Variants in COG7 observed in about 807,000 individuals in gnomAD.
COG7 encodes the protein component of oligomeric golgi complex 7.
In COG7, 49 loss-of-function variants were observed where a neutral mutation model predicts 91.5. The ratio of observed to expected loss-of-function variants is 0.54; its 90% CI spans 0.43 to 0.68. COG7 has a LOEUF of 0.68. Among genes scored for constraint, COG7 ranks in the 30% least tolerant of loss-of-function variants. The probability of loss-of-function intolerance (pLI) is 0.00; values close to 1 mark genes in which losing one functional copy is unlikely to be tolerated. For synonymous variants in COG7, 365 were observed against 388.7 expected (o/e 0.94, Z 0.72); for missense variants, 895 against 961.3 (o/e 0.93, Z 0.91).
chr16:23,393,284 C>G lies in COG7; in HGVS notation c.1951G>C (p.Ala651Pro). 2 of 1,614,174 alleles carry G rather than the reference C, an allele frequency of 1.2e-6. No homozygotes were observed. Among genetic ancestry groups the G allele is most frequent in the Non-Finnish European group, 1.7e-6 (2 of 1,180,046 alleles). The change falls in exon 15 of 17, where the codon GCC becomes CCC. Residue 651 changes from alanine to proline, a missense_variant. Transcript: ENST00000307149. ...LEPFVTQEDS[A>P]LELALHAGKL... Reference sequence around the variant, plus strand: ...CCAGCGTGCAATGCCAACTCTAAGGCAGAGTCCTCCTGAGTCACAAATGGC... The same window carrying G: ...CCAGCGTGCAATGCCAACTCTAAGGGAGAGTCCTCCTGAGTCACAAATGGC...
Position 23,407,827 on chromosome 16 carries a change from T to C in COG7, c.1476-1565A>G, listed in dbSNP as rs146968356. Among the ~76,000 whole-genome samples, 284 of 152,004 alleles carry C rather than the reference T, an allele frequency of 1.9e-3. No homozygotes were observed. The East Asian group carries it at 0.019, about 10-fold the overall frequency. ...ACAGTCAGGTTCTGGAAATCTAGCA[T>C]AAATTTACAAGTTCCCATGGCTGAG... On this transcript the variant is annotated intron_variant, in intron 11 of 16. Transcript: ENST00000307149.
Position 23,393,897 on chromosome 16 carries a change from CG to C in COG7, c.1888-551del. On this transcript the variant is annotated intron_variant, in intron 14 of 16. Coordinates refer to ENST00000307149, the MANE Select transcript of COG7 (RefSeq NM_153603.4). ...TCCTACTAAAAGTACAAAAATTAGC[CG>C]GGGATGGTGGCAGGCACCTGTAATC... is the stretch of plus-strand genomic sequence containing the variant. Among the ~76,000 whole-genome samples the C allele has an allele frequency of 3.3e-5, 5 of 151,994 alleles. 1 individual carries two copies. The highest frequency in any genetic ancestry group is 3.3e-4 in the Admixed American group (5 of 15,254).
Position 23,447,239 on chromosome 16 carries a change from T to G in COG7, c.170-1278A>C, listed in dbSNP as rs1483793596. 2 of 151,802 alleles carry G rather than the reference T, an allele frequency of 1.3e-5. 1 individual carries two copies. The highest frequency in any genetic ancestry group is 1.3e-4 in the Admixed American group (2 of 15,220). 9.4% of individuals were successfully genotyped at this position (151,802 alleles called of 1,614,324 possible). On this transcript the variant is annotated intron_variant, in intron 1 of 16. Transcript: ENST00000307149. ...TATTTATTTATTTATTGAGACAGAG[T>G]CTCCCTCTGTCACCCAGACTGGAGT...
intron 1 of COG7, among the ~76,000 whole-genome samples, chr16:23,447,876 G>A (rs1964206764): frequency 6.6e-6 from 1 of 151,840 alleles, no homozygotes; most frequent in Non-Finnish European, 1.5e-5. Flanking sequence ...CTCCAGCCTG[G>A]CAACAGAGTG....
At chr16:23,445,726 G>T in intron 2 of COG7, 87 bp downstream of exon 2, 2 of 1,339,488 alleles carry the variant, frequency 1.5e-6, no homozygotes, top group Non-Finnish European at 2.1e-6. Flanking sequence ...CCAAAACACC[G>T]TGCTGTTCTA....
chr16:23,400,952 AGAGT>A (rs1253806963), intron 13 of COG7, among the ~76,000 whole-genome samples: 3 of 145,666 alleles, frequency 2.1e-5, no homozygotes, highest in African/African-American at 7.4e-5. Context: ...CCTGGGCAAC[AGAGT>A]GAGACTTTGT....
chr16:23,408,135 C>T (rs1324934348), intron 11 of COG7, among the ~76,000 whole-genome samples: 1 of 21,328 alleles, frequency 4.7e-5, no homozygotes, highest in South Asian at 1.7e-3. Flanking sequence ...GCGAGTGGGG[C>T]GGGAGGCAGG....
At chr16:23,396,717 T>C (rs992214278) in intron 14 of COG7, among the ~76,000 whole-genome samples, 1 of 151,914 alleles carries the variant, frequency 6.6e-6, no homozygotes, top group African/African-American at 2.4e-5. Flanking sequence ...ATTATTCCCA[T>C]GGGTTGTAAA....
At chr16:23,449,713 C>T (rs1417618811) in intron 1 of COG7, among the ~76,000 whole-genome samples, 2 of 149,158 alleles carry the variant, frequency 1.3e-5, no homozygotes, top group African/African-American at 2.5e-5. Context: ...TGCACTCCAT[C>T]GCACTCCATC....
At chr16:23,420,649 G>C (rs1269125120) in intron 7 of COG7, among the ~76,000 whole-genome samples, 1 of 152,112 alleles carries the variant, frequency 6.6e-6, no homozygotes. Context: ...ATTTTACAAG[G>C]TTTTGTAGAG....
chr16:23,391,905 A>T (rs1366010833), intron 16 of COG7: 1 of 760,458 alleles, frequency 1.3e-6, no homozygotes, highest in African/African-American at 1.8e-5. Flanking sequence ...TGGCCTTGTT[A>T]TGGAACTGCC....
In COG7 at chr16:23,424,963, GGT is replaced by G; in HGVS notation, c.811-18_811-17del. 10 of 1,535,962 alleles carry G rather than the reference GGT, an allele frequency of 6.5e-6. No homozygotes were observed. The highest frequency in any genetic ancestry group is 8.9e-6 in the Non-Finnish European group (10 of 1,118,820). On this transcript the variant is annotated splice_polypyrimidine_tract_variant and intron_variant, in intron 6 of 16. Transcript: ENST00000307149. The stretch of plus-strand genomic sequence containing the variant: ...TCTGGAAAACCTGCAGTGAGAGAGA[GGT>G]GTACCTGCCTTAGCACATGGAGCCA...
Position 23,424,771 on chromosome 16 carries a change from C to T in COG7, c.987G>A (p.Glu329=), listed in dbSNP as rs1567340010. 6.2e-7 allele frequency: 1 copy of T among 1,614,266 alleles called. No individual in the cohort carries two copies. The highest frequency in any genetic ancestry group is 8.5e-7 in the Non-Finnish European group (1 of 1,180,048). The change falls in exon 7 of 17, where the codon GAG becomes GAA. Residue 329 remains glutamate, a synonymous_variant. Transcript: ENST00000307149. ...DATAHFAKGL[E]MALLPHLHEH... ...TACGTAGGTGGGGGAGCAGTGCCAT[C>T]TCCAAGCCCTTGGCGAAGTGGGCGG...
intron 4 of COG7, 56 bp downstream of exon 4, chr16:23,442,421 A>T: frequency 1.3e-6 from 2 of 1,501,592 alleles, no homozygotes; most frequent in Non-Finnish European, 1.9e-6. Context: ...GAAGACTTAC[A>T]AGGCCTTATC....
intron 6 of COG7, among the ~76,000 whole-genome samples, chr16:23,432,809 A>C (rs558145418): frequency 2.0e-5 from 3 of 152,184 alleles, no homozygotes; most frequent in Non-Finnish European, 2.9e-5. Context: ...CATGAGAACA[A>C]GGGAGACTCA....
rs199904223 is a variant in COG7, at chr16:23,393,345, G to A, written c.1890C>T (p.Ile630=). Residue 630 remains isoleucine, a splice_region_variant and synonymous_variant, in exon 15 of 17, where the codon ATC becomes ATT. Transcript: ENST00000307149. ...SLTPLEYISN[I]GQYIMSLPLN... ...GGGGGAGGGACATGATGTACTGCCC[G>A]ATCTGAAACAAAAGAAAGCGCTGTT... The A allele has an allele frequency of 1.4e-5, 22 of 1,609,250 alleles. No individual in the cohort carries two copies. Among genetic ancestry groups the A allele is most frequent in the African/African-American group, 4.0e-5 (3 of 74,776 alleles).
intron 11 of COG7, among the ~76,000 whole-genome samples, chr16:23,409,970 C>A (rs1406178573): frequency 6.6e-6 from 1 of 152,188 alleles, no homozygotes; most frequent in Non-Finnish European, 1.5e-5. Context: ...TTAGTCCCAA[C>A]AACTAATTTA....
chr16:23,405,745 G>A (rs1312661673), intron 12 of COG7, among the ~76,000 whole-genome samples: 1 of 151,932 alleles, frequency 6.6e-6, no homozygotes, highest in East Asian at 1.9e-4. Context: ...TTAAACTCCT[G>A]ACCTCAGGGG....
intron 4 of COG7, among the ~76,000 whole-genome samples, chr16:23,438,827 G>A (rs1343373599): frequency 6.6e-6 from 1 of 151,976 alleles, no homozygotes; most frequent in Non-Finnish European, 1.5e-5. Flanking sequence ...AGCCACTATG[G>A]AGAACAGTAT....
Sources: allele counts gnomAD v4.1 joint callset (sites outside exome capture counted in the v4.1 genomes callset), GRCh38; gene constraint gnomAD v4.1.1; transcripts MANE v1.5; gene names NCBI Gene and HGNC (gene_info 2026-07-23, HGNC 2026-07-21).